The following STMN4 variants were observed in gnomAD, a reference collection of about 807,000 sequenced individuals.
STMN4 encodes the protein stathmin-4.
Under a neutral mutation model 29.1 loss-of-function variants are expected in STMN4, and 12 were observed. That is an observed-to-expected ratio of 0.41 (90% CI 0.26 to 0.67). STMN4 has a LOEUF of 0.67. Ranked by LOEUF, STMN4 falls within the 30% of genes least tolerant of loss-of-function variation. The pLI, the probability that STMN4 is intolerant of heterozygous loss-of-function variation, is 0.30. For missense variants in STMN4, 181 were observed against 262.8 expected, an observed-to-expected ratio of 0.69 and a Z score of 2.15; for synonymous variants, 114 against 105.3, an observed-to-expected ratio of 1.08 and a Z score of -0.51.
chr8:27,246,881 G>T (rs933081804), intron 1 of STMN4, among the ~76,000 whole-genome samples: 2 of 152,198 alleles, frequency 1.3e-5, no homozygotes, highest in African/African-American at 4.8e-5. Context: ...TCCTCAGGAA[G>T]TGACAAAGCC....
chr8:27,258,170 G>A lies in STMN4; in HGVS notation c.-79+181C>T, dbSNP rs116557109. Among the ~76,000 whole-genome samples the A allele has an allele frequency of 7.8e-3, 1,180 of 152,232 alleles. 15 individuals are homozygous for A. Among genetic ancestry groups the A allele is most frequent in the African/African-American group, 0.027 (1,106 of 41,532 alleles). On this transcript the variant is annotated intron_variant, in intron 1 of 6. Coordinates refer to ENST00000350889, the MANE Select transcript of STMN4 (RefSeq NM_030795.4). ...CGGAGCCCACCCTCACCCCTTGGCC[G>A]AGCGCCATTCTTTCTGCCTCACCCC...
chr8:27,253,972 G>T (rs1189347840), intron 1 of STMN4, among the ~76,000 whole-genome samples: 1 of 152,110 alleles, frequency 6.6e-6, no homozygotes, highest in East Asian at 1.9e-4. Context: ...CAGTAGAGAT[G>T]AAATTTCACC....
intron 6 of STMN4, chr8:27,239,338 C>A: frequency 6.6e-7 from 1 of 1,526,354 alleles, no homozygotes; most frequent in Non-Finnish European, 8.8e-7. Flanking sequence ...ACTGGGGCGG[C>A]CTTGAGACTC....
chr8:27,236,975 G>T (rs1298191091), intron 6 of STMN4, 70 bp from the exon 7 acceptor site: 2 of 1,527,292 alleles, frequency 1.3e-6, no homozygotes, highest in Non-Finnish European at 1.8e-6. Context: ...AGGCCAAGGG[G>T]CAAGAGAACC....
intron 5 of STMN4, 44 bp downstream of exon 5, chr8:27,241,010 C>T (rs1214839578): frequency 7.6e-6 from 12 of 1,577,402 alleles, no homozygotes; most frequent in Non-Finnish European, 1.0e-5. Context: ...ACCTCCCTCC[C>T]CTTTATGCTG....
rs1042790949 is a variant in STMN4 at position 27,236,815 on chromosome 8, C to G, written c.*31G>C. On this transcript the variant is annotated 3_prime_UTR_variant, in exon 7 of 7. Coordinates refer to ENST00000350889, the MANE Select transcript of STMN4 (RefSeq NM_030795.4). ...ACGTGGAGCTGCTGGAGCTGTCCGG[C>G]TGACCTGGAAAGTTCTTTGGCCTCT... 3 of 1,574,728 alleles carry G rather than the reference C, an allele frequency of 1.9e-6. No individual in the cohort carries two copies. In the South Asian group the frequency reaches 3.5e-5, roughly 19 times the overall value.
chr8:27,243,854 C>T (rs1463118254), intron 1 of STMN4, 53 bp from the exon 2 acceptor site: 15 of 1,536,194 alleles, frequency 9.8e-6, no homozygotes, highest in Middle Eastern at 1.7e-4. Context: ...ACAGGTTATT[C>T]TCATAAGAAA....
chr8:27,241,793 T>C, intron 3 of STMN4, 36 bp from the exon 4 acceptor site: 1 of 1,612,168 alleles, frequency 6.2e-7, no homozygotes, highest in East Asian at 2.2e-5. Flanking sequence ...CATCCGAGCA[T>C]GCCTGTTCCT....
At chr8:27,250,630 A>C (rs1412736738) in intron 1 of STMN4, among the ~76,000 whole-genome samples, 1 of 152,154 alleles carries the variant, frequency 6.6e-6, no homozygotes, top group Non-Finnish European at 1.5e-5. Flanking sequence ...GCAAAACAGA[A>C]CAGTGTGTGA....
chr8:27,242,618 C>T (rs1312775592), intron 2 of STMN4, 126 bp from the exon 3 acceptor site: 1 of 866,274 alleles, frequency 1.2e-6, no homozygotes, highest in African/African-American at 1.7e-5. Context: ...CAGGCACACG[C>T]CAAGCCTGGG....
At chr8:27,255,803 A>C (rs1020521596) in intron 1 of STMN4, among the ~76,000 whole-genome samples, 3 of 152,158 alleles carry the variant, frequency 2.0e-5, no homozygotes, top group African/African-American at 4.8e-5. Flanking sequence ...GGTTTCTTTT[A>C]TTGAACCAAA....
At chr8:27,250,323 A>G (rs2130135420) in intron 1 of STMN4, among the ~76,000 whole-genome samples, 1 of 152,306 alleles carries the variant, frequency 6.6e-6, no homozygotes, top group South Asian at 2.1e-4. Context: ...AAGGAGATAA[A>G]TTATTTTTTC....
intron 1 of STMN4, among the ~76,000 whole-genome samples, chr8:27,251,944 A>G (rs1239462552): frequency 5.3e-5 from 8 of 151,588 alleles, no homozygotes; most frequent in Non-Finnish European, 7.4e-5. Flanking sequence ...ATATCTCCCA[A>G]TGCTATCCCT....
At chr8:27,238,064 C>T (rs1801360197) in intron 6 of STMN4, among the ~76,000 whole-genome samples, 1 of 152,164 alleles carries the variant, frequency 6.6e-6, no homozygotes, top group Non-Finnish European at 1.5e-5. Context: ...CCTGCAGACA[C>T]CCTAGAACTT....
In STMN4 at chr8:27,236,837, C is replaced by A; in HGVS notation, c.*9G>T. 1 of 1,601,394 alleles carries A rather than the reference C, an allele frequency of 6.2e-7. No homozygotes were observed. ...CGGCTGACCTGGAAAGTTCTTTGGC[C>A]TCTAGGCTTTACCTGGAGGCCTCTT... On this transcript the variant is annotated 3_prime_UTR_variant, in exon 7 of 7. Coordinates refer to ENST00000350889, the MANE Select transcript of STMN4 (RefSeq NM_030795.4).
intron 3 of STMN4, chr8:27,242,038 A>G (rs1335960936): frequency 3.5e-6 from 2 of 567,590 alleles, no homozygotes; most frequent in East Asian, 5.8e-5. Context: ...TGACCTGGAA[A>G]CTGACTCACA....
chr8:27,245,131 C>T (rs774516235), intron 1 of STMN4, among the ~76,000 whole-genome samples: 3 of 152,212 alleles, frequency 2.0e-5, no homozygotes, highest in African/African-American at 4.8e-5. Context: ...TACCAGCTCT[C>T]GCTAGTCTCT....
intron 6 of STMN4, among the ~76,000 whole-genome samples, chr8:27,238,633 G>T (rs1220763898): frequency 6.6e-6 from 1 of 152,196 alleles, no homozygotes; most frequent in African/African-American, 2.4e-5. Flanking sequence ...CAAAAGGCTG[G>T]CAGGACAATC....
At chr8:27,257,278 G>T (rs751916340) in intron 1 of STMN4, among the ~76,000 whole-genome samples, 18 of 152,096 alleles carry the variant, frequency 1.2e-4, no homozygotes, top group Admixed American at 3.9e-4. Flanking sequence ...CTCAGCCTCA[G>T]GTGGAGACAG....
Sources: allele counts gnomAD v4.1 joint callset (sites outside exome capture counted in the v4.1 genomes callset), GRCh38; gene constraint gnomAD v4.1.1; transcripts MANE v1.5; gene names NCBI Gene and HGNC (gene_info 2026-07-23, HGNC 2026-07-21).